STK39: variants seen among roughly 807,000 people sequenced by gnomAD.
The protein encoded by STK39 is serine/threonine kinase 39.
Under a neutral mutation model 77.8 loss-of-function variants are expected in STK39, and 20 were observed. The ratio of observed to expected loss-of-function variants is 0.26; its 90% confidence interval spans 0.18 to 0.37. The LOEUF (loss-of-function observed/expected upper bound fraction) is 0.37. STK39 is among the 10% of genes least tolerant of loss of function. The pLI, the probability that STK39 is intolerant of heterozygous loss-of-function variation, is 1.00. For missense variants in STK39, 479 were observed against 656.5 expected (o/e 0.73, Z 2.95); for synonymous variants, 246 against 234.1 (o/e 1.05, Z -0.47).
chr2:168,240,448 C>G (rs1052102216), intron 1 of STK39, among the ~76,000 whole-genome samples: 2 of 152,134 alleles, frequency 1.3e-5, no homozygotes, highest in African/African-American at 4.8e-5. Flanking sequence ...AAATAAGAAT[C>G]GATAAGGGCC....
chr2:168,150,376 C>A (rs1051039786), intron 5 of STK39, among the ~76,000 whole-genome samples: 2 of 152,190 alleles, frequency 1.3e-5, no homozygotes, highest in Non-Finnish European at 2.9e-5. Flanking sequence ...CGATTCTCAA[C>A]TATGTCTCAT....
In STK39 at chr2:168,247,235, C is replaced by T. The variant is rs1048585591; in HGVS notation, c.201G>A (p.Glu67=). The T allele has an allele frequency of 3.4e-6, 4 of 1,179,350 alleles. No homozygotes were observed. The highest frequency in any genetic ancestry group is 4.2e-6 in the Non-Finnish European group (4 of 951,636). The allele number at this position is 1,179,350 out of a possible 1,614,324, so 73.1% of individuals were successfully genotyped here. The stretch of plus-strand genomic sequence containing the variant: ...CGCGCCCGCCGCACTGACCGATAAC[C>T]TCCTGCAGCTCGTACGCGTCCCTGC... ...PICRDAYELQ[E]VIGSGATAVV... The change falls in exon 1 of 18, where the codon GAG becomes GAA. Residue 67 remains glutamate (E), a synonymous_variant. Transcript: ENST00000355999.
Position 168,105,982 on chromosome 2 carries a change from G to T in STK39, c.1089+23559C>A, listed in dbSNP as rs140267736. On this transcript the variant is annotated intron_variant, in intron 10 of 17. Coordinates refer to ENST00000355999, the MANE Select transcript of STK39 (RefSeq NM_013233.3). ...ATCATGACTCCTACATATACATTTT[G>T]AAACGAAGCCTTGCTCTGTCGCCAG... Among the ~76,000 whole-genome samples the T allele has an allele frequency of 3.9e-5, 6 of 152,308 alleles. No homozygotes were observed. In the East Asian group the frequency reaches 1.2e-3, roughly 29 times the overall value.
At chr2:167,987,630 G>A (rs1683594501) in intron 16 of STK39, among the ~76,000 whole-genome samples, 1 of 152,096 alleles carries the variant, frequency 6.6e-6, no homozygotes, top group African/African-American at 2.4e-5. Flanking sequence ...ACCCCAGCTG[G>A]CAAAATCCTA....
intron 17 of STK39, among the ~76,000 whole-genome samples, chr2:167,956,326 A>T (rs1052164809): frequency 4.6e-5 from 7 of 152,168 alleles, no homozygotes; most frequent in Admixed American, 6.5e-5. Context: ...TGGGGGGCCG[A>T]GGCAGGTGGA....
intron 14 of STK39, among the ~76,000 whole-genome samples, chr2:168,054,180 A>T (rs934023692): frequency 2.6e-5 from 4 of 152,210 alleles, no homozygotes; most frequent in Non-Finnish European, 5.9e-5. Context: ...AACAATCCCT[A>T]AAGTACAGGA....
chr2:168,053,351 T>C (rs1261512232), intron 14 of STK39, among the ~76,000 whole-genome samples: 1 of 152,128 alleles, frequency 6.6e-6, no homozygotes, highest in African/African-American at 2.4e-5. Context: ...TATGTTGTTT[T>C]ATAATAAAAT....
intron 16 of STK39, among the ~76,000 whole-genome samples, chr2:167,987,715 C>T (rs139845232): frequency 2.5e-3 from 379 of 152,274 alleles, no homozygotes; most frequent in South Asian, 4.3e-3. Context: ...AATAGCGAAA[C>T]CTCCAAATAA....
At chr2:168,195,244 T>TA (rs1689438816) in intron 1 of STK39, among the ~76,000 whole-genome samples, 1 of 152,094 alleles carries the variant, frequency 6.6e-6, no homozygotes, top group Admixed American at 6.5e-5. Context: ...AAAAATTTTT[T>TA]TAAAAATTAG....
chr2:167,960,622 T>TC (rs984200487), intron 17 of STK39, among the ~76,000 whole-genome samples: 25 of 152,034 alleles, frequency 1.6e-4, no homozygotes, highest in African/African-American at 6.0e-4. Flanking sequence ...TCCTGAACAC[T>TC]CCATCTCCTC....
chr2:168,025,129 G>A (rs750701005), intron 14 of STK39, among the ~76,000 whole-genome samples: 1 of 152,062 alleles, frequency 6.6e-6, no homozygotes, highest in Non-Finnish European at 1.5e-5. Context: ...ACCTCTGTAT[G>A]GCTGTCTCTT....
At chr2:168,159,699 C>CT (rs1462848101) in intron 5 of STK39, among the ~76,000 whole-genome samples, 1 of 152,096 alleles carries the variant, frequency 6.6e-6, no homozygotes, top group Non-Finnish European at 1.5e-5. Context: ...ATTTAGGTGC[C>CT]TGTCAAGCAG....
chr2:168,059,057 A>G (rs907085896), intron 14 of STK39, among the ~76,000 whole-genome samples: 3 of 152,102 alleles, frequency 2.0e-5, no homozygotes, highest in African/African-American at 4.8e-5. Flanking sequence ...TGCTTTTCCA[A>G]TTACTTATAA....
intron 1 of STK39, among the ~76,000 whole-genome samples, chr2:168,237,164 C>T (rs1422459688): frequency 1.3e-5 from 2 of 152,140 alleles, no homozygotes; most frequent in African/African-American, 2.4e-5. Flanking sequence ...CCTTCACATC[C>T]CTTGTAAGCT....
In STK39 at chr2:168,095,875, TG is replaced by T. The variant is rs1686654191; in HGVS notation, c.1090-20645del. ...CGACTATGCTTTGCTTTTCTTTTGT[TG>T]AAAGACAAATCCCCAATTATGTTGA... On this transcript the variant is annotated intron_variant, in intron 10 of 17. Coordinates refer to ENST00000355999, the MANE Select transcript of STK39 (RefSeq NM_013233.3). Among the ~76,000 whole-genome samples the T allele has an allele frequency of 2.0e-5, 3 of 152,228 alleles. No homozygotes were observed. In the South Asian group the frequency reaches 6.2e-4, roughly 32 times the overall value.
At chr2:168,168,326 A>C (rs908403883) in intron 2 of STK39, among the ~76,000 whole-genome samples, 1 of 152,168 alleles carries the variant, frequency 6.6e-6, no homozygotes, top group Non-Finnish European at 1.5e-5. Context: ...GTTTTAAGTT[A>C]TTGTCGGATG....
At chr2:168,034,387 A>T (rs1684900072) in intron 14 of STK39, among the ~76,000 whole-genome samples, 2 of 152,234 alleles carry the variant, frequency 1.3e-5, no homozygotes, top group Admixed American at 1.3e-4. Flanking sequence ...GTTTGGTGAA[A>T]TCAAAGAGCC....
chr2:168,202,352 A>G (rs181846133), intron 1 of STK39, among the ~76,000 whole-genome samples: 185 of 152,332 alleles, frequency 1.2e-3, no homozygotes, highest in African/African-American at 4.1e-3. Context: ...AGTAAAACAC[A>G]AAGTCCCTTC....
intron 5 of STK39, among the ~76,000 whole-genome samples, chr2:168,146,189 A>G (rs1559119545): frequency 6.6e-6 from 1 of 152,178 alleles, no homozygotes; most frequent in Non-Finnish European, 1.5e-5. Context: ...AAGAACTGGG[A>G]TTTCCTTGAG....
Sources: allele counts gnomAD v4.1 joint callset (sites outside exome capture counted in the v4.1 genomes callset), GRCh38; gene constraint gnomAD v4.1.1; transcripts MANE v1.5; gene names NCBI Gene and HGNC (gene_info 2026-07-23, HGNC 2026-07-21).